The following BMPR1B variants were observed in gnomAD, a reference collection of about 807,000 sequenced individuals.
The protein encoded by BMPR1B is bone morphogenetic protein receptor type-1B.
Under a neutral mutation model 59.1 loss-of-function variants are expected in BMPR1B, and 12 were observed. The observed-to-expected ratio is 0.20, with a 90% CI of 0.13 to 0.33. The LOEUF (loss-of-function observed/expected upper bound fraction) is 0.33. BMPR1B is among the 10% of genes least tolerant of loss of function. The pLI, the probability that BMPR1B is intolerant of heterozygous loss-of-function variation, is 1.00. For synonymous variants in BMPR1B, 237 were observed against 207.3 expected (o/e 1.14, Z -1.23); for missense variants, 550 against 610.9 (o/e 0.90, Z 1.05).
At chr4:94,903,865 T>G (rs1037441142) in intron 2 of BMPR1B, among the ~76,000 whole-genome samples, 1 of 151,968 alleles carries the variant, frequency 6.6e-6, no homozygotes, top group African/African-American at 2.4e-5. Flanking sequence ...AGCAGCCCTG[T>G]GGACACCTTG....
intron 2 of BMPR1B, among the ~76,000 whole-genome samples, chr4:94,975,769 A>G (rs1367231963): frequency 6.6e-6 from 1 of 152,154 alleles, no homozygotes; most frequent in South Asian, 2.1e-4. Flanking sequence ...TTTATAGACA[A>G]TGTCATTGAA....
chr4:95,003,457 G>A (rs116830931), intron 3 of BMPR1B, among the ~76,000 whole-genome samples: 96 of 152,224 alleles, frequency 6.3e-4, no homozygotes, highest in African/African-American at 1.9e-3. Flanking sequence ...ATTGGAACAT[G>A]TTAGGGTGGT....
At chr4:94,979,756 T>G (rs1199733830) in intron 2 of BMPR1B, among the ~76,000 whole-genome samples, 1 of 152,242 alleles carries the variant, frequency 6.6e-6, no homozygotes, top group East Asian at 1.9e-4. Flanking sequence ...GCGACGAATG[T>G]GCAGCTGCCA....
chr4:94,779,978 A>G (rs979354758), intron 1 of BMPR1B, among the ~76,000 whole-genome samples: 15 of 151,872 alleles, frequency 9.9e-5, no homozygotes, highest in Admixed American at 2.0e-4. Flanking sequence ...CTTAATCTCT[A>G]TGTTACATTT....
Position 95,114,771 on chromosome 4 carries a change from T to G in BMPR1B, c.195T>G (p.Pro65=). ...TAGAAGAGGATGACTCTGGGTTGCC[T>G]GTGGTCACTTCTGGTTGCCTAGGAC... ...TMIEEDDSGL[P]VVTSGCLGLE... The change falls in exon 5 of 13, where the codon CCT becomes CCG. Residue 65 remains proline (P), a synonymous_variant. Coordinates refer to ENST00000515059, the MANE Select transcript of BMPR1B (RefSeq NM_001203.3). The G allele has an allele frequency of 6.2e-7, 1 of 1,613,854 alleles. No individual in the cohort carries two copies. The highest frequency in any genetic ancestry group is 1.1e-5 in the South Asian group (1 of 91,078).
chr4:94,845,366 G>A (rs1452887378), intron 1 of BMPR1B, among the ~76,000 whole-genome samples: 3 of 146,802 alleles, frequency 2.0e-5, no homozygotes, highest in African/African-American at 7.6e-5. Context: ...TTTTTAAGAT[G>A]GAGTCTCACT....
intron 4 of BMPR1B, among the ~76,000 whole-genome samples, chr4:95,105,079 A>C (rs1731105376): frequency 6.6e-6 from 1 of 152,150 alleles, no homozygotes; most frequent in Non-Finnish European, 1.5e-5. Flanking sequence ...TCCAAATACT[A>C]GAAAATACTC....
chr4:94,989,625 A>G (rs890885267), intron 2 of BMPR1B, among the ~76,000 whole-genome samples: 8 of 152,130 alleles, frequency 5.3e-5, no homozygotes, highest in Non-Finnish European at 7.4e-5. Context: ...TTTTTTTCCC[A>G]AAGCTGCTTC....
chr4:94,772,333 G>A (rs1394460431), intron 1 of BMPR1B, among the ~76,000 whole-genome samples: 1 of 152,142 alleles, frequency 6.6e-6, no homozygotes, highest in Non-Finnish European at 1.5e-5. Context: ...GGGCCTATTG[G>A]CTGTGGCAGT....
chr4:94,847,638 C>T (rs1725389105), intron 1 of BMPR1B, among the ~76,000 whole-genome samples: 1 of 151,982 alleles, frequency 6.6e-6, no homozygotes, highest in Non-Finnish European at 1.5e-5. Flanking sequence ...TTTGCAGCAA[C>T]ATAGGTGGAA....
At chr4:95,104,059 A>G (rs558882862) in intron 3 of BMPR1B, among the ~76,000 whole-genome samples, 45 of 152,122 alleles carry the variant, frequency 3.0e-4, no homozygotes, top group South Asian at 2.7e-3. Context: ...TAATTTTCTC[A>G]TCTGAGAAAT....
chr4:94,941,607 T>C (rs1729516776), intron 2 of BMPR1B, among the ~76,000 whole-genome samples: 1 of 152,146 alleles, frequency 6.6e-6, no homozygotes. Flanking sequence ...TAGCAGGTGG[T>C]GTTGGCAACT....
chr4:95,140,848 G>T (rs984099298), intron 10 of BMPR1B, among the ~76,000 whole-genome samples: 2 of 152,132 alleles, frequency 1.3e-5, no homozygotes, highest in Non-Finnish European at 2.9e-5. Context: ...AACAAAAAAG[G>T]AAAGTGAGTA....
At chr4:94,768,146 C>A (rs1722037298) in intron 1 of BMPR1B, among the ~76,000 whole-genome samples, 1 of 151,918 alleles carries the variant, frequency 6.6e-6, no homozygotes, top group Non-Finnish European at 1.5e-5. Context: ...TGTGTATATT[C>A]TAATTGCAGT....
intron 2 of BMPR1B, among the ~76,000 whole-genome samples, chr4:94,895,898 G>T (rs915135590): frequency 1.3e-5 from 2 of 151,854 alleles, no homozygotes; most frequent in East Asian, 3.9e-4. Flanking sequence ...GCTATCTTTA[G>T]GATGTCTTGA....
intron 1 of BMPR1B, among the ~76,000 whole-genome samples, chr4:94,763,666 T>C (rs931960070): frequency 6.6e-6 from 1 of 152,220 alleles, no homozygotes; most frequent in African/African-American, 2.4e-5. Context: ...TAGATAGATA[T>C]GAACTTAAAC....
chr4:94,863,545 T>C (rs1481376318), intron 1 of BMPR1B, among the ~76,000 whole-genome samples: 1 of 152,190 alleles, frequency 6.6e-6, no homozygotes, highest in African/African-American at 2.4e-5. Context: ...AAAATAGCCC[T>C]CTGTATTTAG....
chr4:95,140,339 G>A (rs1734135458), intron 10 of BMPR1B, among the ~76,000 whole-genome samples: 1 of 151,826 alleles, frequency 6.6e-6, no homozygotes, highest in South Asian at 2.1e-4. Flanking sequence ...TAACACCAGA[G>A]ATCCTACACA....
intron 1 of BMPR1B, among the ~76,000 whole-genome samples, chr4:94,808,974 G>C (rs1397677343): frequency 6.6e-6 from 1 of 152,130 alleles, no homozygotes; most frequent in Non-Finnish European, 1.5e-5. Context: ...AGAATTGCTT[G>C]TACCTGGGAG....
Sources: allele counts gnomAD v4.1 joint callset (sites outside exome capture counted in the v4.1 genomes callset), GRCh38; gene constraint gnomAD v4.1.1; transcripts MANE v1.5; gene names NCBI Gene and HGNC (gene_info 2026-07-23, HGNC 2026-07-21).